Variants in KIF13B observed in about 807,000 individuals in gnomAD.
KIF13B encodes the protein kinesin family member 13B, also known as kinesin-like protein KIF13B.
In KIF13B, 127 loss-of-function variants were observed where a neutral mutation model predicts 222.0. That is an observed-to-expected ratio of 0.57 (90% CI 0.50 to 0.66). The LOEUF (loss-of-function observed/expected upper bound fraction) is 0.66, where lower values mean the gene tolerates loss of function less well. KIF13B is among the 30% of genes least tolerant of loss of function. The pLI is 0.00. For missense variants in KIF13B, 2,173 were observed against 2,379.0 expected (o/e 0.91, Z 1.80); for synonymous variants, 976 against 919.0 (o/e 1.06, Z -1.12).
chr8:29,263,050 G>C lies in KIF13B; in HGVS notation c.-16C>G, dbSNP rs756736461. ...AGTCCCCCATCCTGCAGCCGCCGAG[G>C]AACTCGTTCGGCTTCCGTCTGCCGC... On this transcript the variant is annotated 5_prime_UTR_variant, in exon 1 of 40. Transcript: ENST00000524189. 6.3e-7 allele frequency: 1 copy of C among 1,575,842 alleles called. No individual in the cohort carries two copies. Among genetic ancestry groups the C allele is most frequent in the Non-Finnish European group, 8.6e-7 (1 of 1,161,844 alleles).
At chr8:29,223,471 A>T (rs981081044) in intron 2 of KIF13B, among the ~76,000 whole-genome samples, 1 of 152,210 alleles carries the variant, frequency 6.6e-6, no homozygotes, top group Non-Finnish European at 1.5e-5. Context: ...AAGATTACTA[A>T]AAGTAACCAA....
At chr8:29,187,174 T>C (rs892802546) in intron 5 of KIF13B, among the ~76,000 whole-genome samples, 1 of 152,098 alleles carries the variant, frequency 6.6e-6, no homozygotes, top group Non-Finnish European at 1.5e-5. Context: ...CAGAGCAAAT[T>C]AACTCACTAC....
At chr8:29,080,380 C>G (rs917045654) in intron 37 of KIF13B, among the ~76,000 whole-genome samples, 1 of 144,276 alleles carries the variant, frequency 6.9e-6, no homozygotes, top group Non-Finnish European at 1.5e-5. Flanking sequence ...CAGCAATAAT[C>G]TAATCAATAG....
At chr8:29,111,473 A>T (rs1477394538) in intron 32 of KIF13B, among the ~76,000 whole-genome samples, 1 of 152,194 alleles carries the variant, frequency 6.6e-6, no homozygotes, top group Non-Finnish European at 1.5e-5. Flanking sequence ...TCTTTACACA[A>T]TCAGCTTTAT....
chr8:29,072,285 A>C lies in KIF13B; in HGVS notation c.4553T>G (p.Val1518Gly). The C allele has an allele frequency of 6.8e-7, 1 of 1,463,656 alleles. No individual in the cohort carries two copies. Among genetic ancestry groups the C allele is most frequent in the Non-Finnish European group, 9.0e-7 (1 of 1,108,820 alleles). The allele number at this position is 1,463,656 out of a possible 1,614,324, so 90.7% of individuals were successfully genotyped here. ...CAAGGCCGGGGCCCCCATCGTCTGC[A>C]CCAGCACGTCAGGGCCCATCTCCGG... is the stretch of plus-strand genomic sequence containing the variant. ...AQPEMGPDVL[V>G]QTMGAPALKI... Residue 1518 changes from valine to glycine, a missense_variant, in exon 39 of 40, where the codon GTG (valine) becomes GGG (glycine). Physicochemically the swap from Val to Gly is moderately radical, Grantham distance 109 (BLOSUM62 -3). This residue lies in a region of KIF13B where 693 missense variants were observed against 656.2 expected (regional missense o/e 1.06). Coordinates refer to ENST00000524189, the MANE Select transcript of KIF13B (RefSeq NM_015254.4).
intron 36 of KIF13B, among the ~76,000 whole-genome samples, chr8:29,096,122 C>T (rs373035151): frequency 2.0e-5 from 3 of 151,242 alleles, no homozygotes; most frequent in African/African-American, 7.3e-5. Context: ...GCTGGGACTA[C>T]AGGTACCTGC....
At chr8:29,079,891 G>A (rs978603689) in intron 37 of KIF13B, among the ~76,000 whole-genome samples, 1 of 152,126 alleles carries the variant, frequency 6.6e-6, no homozygotes, top group African/African-American at 2.4e-5. Context: ...AGATATGTAA[G>A]ATTTATTTTT....
intron 37 of KIF13B, among the ~76,000 whole-genome samples, chr8:29,086,118 A>T (rs1808041254): frequency 6.6e-6 from 1 of 152,198 alleles, no homozygotes; most frequent in African/African-American, 2.4e-5. Flanking sequence ...TTATTCTCTG[A>T]AACAATTCCA....
intron 2 of KIF13B, among the ~76,000 whole-genome samples, chr8:29,235,945 G>A (rs1016944749): frequency 1.3e-5 from 2 of 152,172 alleles, no homozygotes; most frequent in Non-Finnish European, 2.9e-5. Flanking sequence ...ACAAGGTTTG[G>A]TGTTTGACTA....
At chr8:29,206,497 A>G (rs1477251877) in intron 2 of KIF13B, among the ~76,000 whole-genome samples, 1 of 152,202 alleles carries the variant, frequency 6.6e-6, no homozygotes. Flanking sequence ...TCAATTTCCA[A>G]AAGTTTCACG....
intron 15 of KIF13B, 112 bp from the exon 16 acceptor site, chr8:29,148,879 G>T: frequency 1.3e-6 from 1 of 764,428 alleles, no homozygotes; most frequent in Non-Finnish European, 2.1e-6. Context: ...TAAGTACAAG[G>T]CAATTACTGT....
intron 26 of KIF13B, 118 bp from the exon 27 acceptor site, chr8:29,124,241 T>A: frequency 1.7e-6 from 1 of 595,616 alleles, no homozygotes; most frequent in Non-Finnish European, 2.9e-6. Context: ...TATACAATAA[T>A]TTCTTTATTG....
At chr8:29,181,347 T>C (rs1318402131) in intron 7 of KIF13B, among the ~76,000 whole-genome samples, 3 of 152,188 alleles carry the variant, frequency 2.0e-5, no homozygotes, top group Admixed American at 6.5e-5. Flanking sequence ...ATTCACACTT[T>C]CAAATGTATA....
intron 3 of KIF13B, among the ~76,000 whole-genome samples, chr8:29,193,873 A>T (rs1046257970): frequency 6.6e-6 from 1 of 152,106 alleles, no homozygotes; most frequent in Non-Finnish European, 1.5e-5. Flanking sequence ...GCTGGAGTGC[A>T]GTGGCGTGAT....
intron 1 of KIF13B, 40 bp from the exon 2 acceptor site, chr8:29,245,479 G>T: frequency 6.9e-7 from 1 of 1,439,170 alleles, no homozygotes. Context: ...ATTTTAAAAA[G>T]TAATTTATTT....
At chr8:29,120,298 T>C (rs1461528229) in intron 29 of KIF13B, among the ~76,000 whole-genome samples, 1 of 113,768 alleles carries the variant, frequency 8.8e-6, no homozygotes, top group African/African-American at 3.4e-5. Context: ...CATCTAGCAT[T>C]AGGTATATCT....
At chr8:29,100,779 A>G (rs1037336620) in intron 35 of KIF13B, among the ~76,000 whole-genome samples, 11 of 152,176 alleles carry the variant, frequency 7.2e-5, no homozygotes, top group Admixed American at 2.0e-4. Context: ...CTGATCAGCG[A>G]AATGGGGACA....
At chr8:29,095,127 C>T (rs942040159) in intron 36 of KIF13B, among the ~76,000 whole-genome samples, 2 of 152,112 alleles carry the variant, frequency 1.3e-5, no homozygotes, top group African/African-American at 4.8e-5. Context: ...TGCTGAAAAA[C>T]ATCAATTTAC....
chr8:29,187,527 T>C (rs1369014782), intron 5 of KIF13B, among the ~76,000 whole-genome samples: 1 of 152,142 alleles, frequency 6.6e-6, no homozygotes, highest in African/African-American at 2.4e-5. Context: ...CAAGACTCCG[T>C]CTCAAAATAA....
Sources: allele counts gnomAD v4.1 joint callset (sites outside exome capture counted in the v4.1 genomes callset), GRCh38; gene constraint gnomAD v4.1.1; regional missense constraint gnomAD v4.1.1; transcripts MANE v1.5; gene names NCBI Gene and HGNC (gene_info 2026-07-23, HGNC 2026-07-21).